Variants in UNC80 observed in about 807,000 individuals in gnomAD.
UNC80 encodes the protein unc-80 subunit of NALCN channel complex, also known as protein unc-80 homolog.
A neutral mutation model predicts 384.6 loss-of-function variants in UNC80; 164 were observed. That is an observed-to-expected ratio of 0.43 (90% CI 0.38 to 0.49). UNC80 has a LOEUF of 0.49. Ranked by LOEUF, UNC80 falls within the 20% of genes least tolerant of loss-of-function variation. The pLI is 0.00. For synonymous variants in UNC80, 1,486 were observed against 1,527.8 expected, an observed-to-expected ratio of 0.97 and a Z score of 0.64; for missense variants, 3,330 against 4,143.0, an observed-to-expected ratio of 0.80 and a Z score of 5.39.
chr2:209,815,705 A>G (rs966332480), intron 9 of UNC80, among the ~76,000 whole-genome samples: 12 of 152,170 alleles, frequency 7.9e-5, no homozygotes, highest in Non-Finnish European at 1.5e-4. Flanking sequence ...CTTTCAACTC[A>G]TTTTTGGTTC....
In UNC80 at chr2:209,813,588, T is replaced by C. The variant is rs1385741685; in HGVS notation, c.947T>C (p.Leu316Pro). The change falls in exon 8 of 65, where the codon CTT (leucine) becomes CCT (proline). Residue 316 changes from leucine to proline, a missense_variant. By Grantham distance (98) the Leu-to-Pro change is moderately conservative. Transcript: ENST00000673920. Reference protein sequence around the residue: ...ERGPSHSRASLVIPPCQRSRY... With the variant: ...ERGPSHSRASPVIPPCQRSRY... ...TTTCTGCCATGGAACAGGGCCTCTC[T>C]TGTGATACCTCCGTGCCAAAGGTCC... The C allele has an allele frequency of 6.4e-7, 1 of 1,551,158 alleles. No individual in the cohort carries two copies. Among genetic ancestry groups the C allele is most frequent in the African/African-American group, 1.4e-5 (1 of 73,056 alleles).
At chr2:209,838,481 A>T (rs535367270) in intron 18 of UNC80, among the ~76,000 whole-genome samples, 77 of 152,256 alleles carry the variant, frequency 5.1e-4, no homozygotes, top group African/African-American at 1.7e-3. Flanking sequence ...TTTTACTTGC[A>T]AGCCCTACCT....
chr2:209,911,633 A>C (rs561999654), intron 29 of UNC80, among the ~76,000 whole-genome samples: 2 of 152,342 alleles, frequency 1.3e-5, no homozygotes, highest in East Asian at 3.9e-4. Flanking sequence ...AAAAATTCTT[A>C]AGAAGTTCAG....
chr2:209,905,082 C>A, intron 29 of UNC80, 117 bp downstream of exon 29: 1 of 1,030,736 alleles, frequency 9.7e-7, no homozygotes, highest in Non-Finnish European at 1.4e-6. Flanking sequence ...GGTCTGTGTG[C>A]ATCTAAACAT....
At chr2:209,885,890 G>A (rs1030596566) in intron 25 of UNC80, among the ~76,000 whole-genome samples, 2 of 151,238 alleles carry the variant, frequency 1.3e-5, no homozygotes, top group African/African-American at 2.4e-5. Context: ...TCAACCTCCT[G>A]CATAGCTGGG....
intron 51 of UNC80, 21 bp from the exon 52 acceptor site, chr2:209,967,416 A>G: frequency 2.0e-6 from 3 of 1,475,352 alleles, no homozygotes; most frequent in South Asian, 2.8e-5. Context: ...TAAAATATAT[A>G]TACATATATA....
intron 63 of UNC80, among the ~76,000 whole-genome samples, chr2:209,993,749 C>T (rs907111278): frequency 6.6e-6 from 1 of 152,098 alleles, no homozygotes; most frequent in African/African-American, 2.4e-5. Context: ...GAAGGTAAAG[C>T]TATGATGAAT....
chr2:209,813,800 G>A lies in UNC80; in HGVS notation c.1159G>A (p.Val387Met). The A allele has an allele frequency of 2.4e-5, 38 of 1,552,214 alleles. No homozygotes were observed. The highest frequency in any genetic ancestry group is 3.3e-5 in the Non-Finnish European group (38 of 1,147,112). The change falls in exon 8 of 65, where the codon GTG becomes ATG. Residue 387 changes from valine to methionine, a missense_variant. Transcript: ENST00000673920. The stretch of plus-strand genomic sequence containing the variant: ...GCCCAGACCCAGGAGTAGCTCCATG[G>A]TGGCAGCAGCTCCCTCACTAGTGAA... ...LLPRPRSSSM[V>M]AAAPSLVNTH...
chr2:209,994,770 A>G (rs941979648), intron 64 of UNC80, among the ~76,000 whole-genome samples: 1 of 152,214 alleles, frequency 6.6e-6, no homozygotes, highest in African/African-American at 2.4e-5. Context: ...GCATTCAGAT[A>G]AAGGATAGCT....
In UNC80 at chr2:209,877,969, T is replaced by C. The variant is rs1440405669; in HGVS notation, c.3856T>C (p.Leu1286=). The change falls in exon 24 of 65, where the codon TTG becomes CTG. Residue 1286 remains leucine, a synonymous_variant. Transcript: ENST00000673920. ...CCCATTTTAGGCAATTGGCGTCCGA[T>C]TGAATGAGCTGTGCCACGGGGAAAG... The part of the protein sequence containing the change: ...YQWGDAIGVR[L]NELCHGESES... 6.5e-7 allele frequency: 1 copy of C among 1,531,500 alleles called. No homozygotes were observed. Among genetic ancestry groups the C allele is most frequent in the Non-Finnish European group, 8.8e-7 (1 of 1,139,356 alleles). The allele number at this position is 1,531,500 out of a possible 1,614,324, so 94.9% of individuals were successfully genotyped here.
intron 7 of UNC80, among the ~76,000 whole-genome samples, chr2:209,804,752 GT>G (rs1207346964): frequency 1.1e-4 from 12 of 113,928 alleles, no homozygotes; most frequent in Admixed American, 1.7e-4. Flanking sequence ...AATTTAGAGA[GT>G]TTTTTTTTTG....
At chr2:209,888,322 A>G in intron 26 of UNC80, 62 bp downstream of exon 26, 1 of 1,518,234 alleles carries the variant, frequency 6.6e-7, no homozygotes. Context: ...GGATATTTGC[A>G]CTAGGGTCTA....
chr2:209,934,071 C>CT, intron 39 of UNC80, 66 bp downstream of exon 39: 5 of 1,374,872 alleles, frequency 3.6e-6, no homozygotes, highest in Non-Finnish European at 4.8e-6. Context: ...CTTTGAAAGA[C>CT]TAAGAGTCTC....
At chr2:209,960,177 C>A (rs1334863354) in intron 51 of UNC80, among the ~76,000 whole-genome samples, 1 of 152,214 alleles carries the variant, frequency 6.6e-6, no homozygotes, top group Admixed American at 6.5e-5. Flanking sequence ...TTTAACTCAG[C>A]CAACTTGGCT....
At chr2:209,794,706 AG>A (rs2078045392) in intron 7 of UNC80, 1 of 433,254 alleles carries the variant, frequency 2.3e-6, no homozygotes, top group Non-Finnish European at 4.6e-6. Context: ...TATTCTCGAT[AG>A]TGAGTAAATC....
chr2:209,839,408 AAAG>A lies in UNC80; in HGVS notation c.3232_3234del (p.Lys1078del). 5.8e-6 allele frequency: 9 copies of A among 1,552,114 alleles called. No homozygotes were observed. The highest frequency in any genetic ancestry group is 7.8e-6 in the Non-Finnish European group (9 of 1,147,072). The stretch of plus-strand genomic sequence containing the variant: ...CACGATCCCGCAGAATTTCCCTCCG[AAAG>A]AAGCTTAAACTCCCCATAGGTAAAA... On this transcript the variant is annotated inframe_deletion, in exon 19 of 65. Coordinates refer to ENST00000673920, the MANE Select transcript of UNC80 (RefSeq NM_001371986.1). The surrounding 1 kb of genome is among the most constrained non-coding windows in gnomAD (Gnocchi z 4.1).
intron 44 of UNC80, among the ~76,000 whole-genome samples, chr2:209,942,855 T>TACACAC (rs10584249): frequency 8.4e-4 from 123 of 145,786 alleles, no homozygotes; most frequent in African/African-American, 3.0e-3. Context: ...CACTCTTTCC[T>TACACAC]ACACACACAC....
intron 3 of UNC80, 72 bp from the exon 4 acceptor site, chr2:209,777,186 G>A (rs2076915651): frequency 1.4e-6 from 2 of 1,456,252 alleles, no homozygotes; most frequent in East Asian, 2.3e-5. Flanking sequence ...ATTCTTCCCA[G>A]ACCCATTGTT....
intron 37 of UNC80, among the ~76,000 whole-genome samples, 176 bp downstream of exon 37, chr2:209,930,147 T>C (rs1372761367): frequency 6.6e-6 from 1 of 152,128 alleles, no homozygotes; most frequent in Non-Finnish European, 1.5e-5. Context: ...CTGTTTTTAA[T>C]TTCTCCATTA....
Sources: gnomAD v4.1 joint callset for allele counts (sites outside exome capture counted in the v4.1 genomes callset) on GRCh38, gnomAD v4.1.1 for gene constraint, Gnocchi (gnomAD v3.1) non-coding constraint, MANE v1.5 for transcripts, NCBI Gene and HGNC (gene_info 2026-07-23, HGNC 2026-07-21) for gene names.